The following RFC4 variants were observed in gnomAD, a reference collection of about 807,000 sequenced individuals.
RFC4 encodes A1 37 kDa subunit.
RFC4 carries 38 observed loss-of-function variants against 47.6 expected under a neutral mutation model. The ratio of observed to expected loss-of-function variants is 0.80; its 90% CI spans 0.62 to 1.05. The LOEUF is 1.05. Among genes scored for constraint, RFC4 ranks in the 50% least tolerant of loss-of-function variants. The probability of loss-of-function intolerance (pLI) is 0.00; values close to 1 mark genes in which losing one functional copy is unlikely to be tolerated. For synonymous variants in RFC4, 164 were observed against 150.0 expected, an observed-to-expected ratio of 1.09 and a Z score of -0.68; for missense variants, 489 against 434.0, an observed-to-expected ratio of 1.13 and a Z score of -1.13.
chr3:186,804,531 G>A, intron 2 of RFC4, 52 bp downstream of exon 2: 2 of 1,567,652 alleles, frequency 1.3e-6, no homozygotes, highest in Non-Finnish European at 1.8e-6. Context: ...GATCAGTACT[G>A]GTTAGAGAGA....
Position 186,796,139 on chromosome 3 carries a change from TA to T in RFC4, c.291-1363del, listed in dbSNP as rs1463839829. Among the ~76,000 whole-genome samples the T allele has an allele frequency of 6.6e-6, 1 of 152,154 alleles. No homozygotes were observed. The highest frequency in any genetic ancestry group is 1.5e-5 in the Non-Finnish European group (1 of 68,034). On this transcript the variant is annotated intron_variant, in intron 4 of 10. Coordinates refer to ENST00000296273, the MANE Select transcript of RFC4 (RefSeq NM_002916.5). The surrounding 1 kb of genome is among the most constrained non-coding windows in gnomAD (Gnocchi z 4.2). ...GGTATCCTAAGCATGTTTATGGACA[TA>T]AACATTTACATGCATCTATTTTCTA...
intron 1 of RFC4, chr3:186,805,713 G>A (rs1322829613): frequency 6.6e-6 from 1 of 152,176 alleles, no homozygotes; most frequent in Non-Finnish European, 1.5e-5. Flanking sequence ...CCACCCAGAA[G>A]GTAACTATTT....
At chr3:186,804,944 G>A in intron 1 of RFC4, 1 of 392,488 alleles carries the variant, frequency 2.5e-6, no homozygotes, top group Non-Finnish European at 4.5e-6. Context: ...ACAGAAAAGT[G>A]GTCAAAGTCC....
chr3:186,795,682 A>G (rs915444672), intron 4 of RFC4, among the ~76,000 whole-genome samples: 4 of 152,102 alleles, frequency 2.6e-5, no homozygotes, highest in Admixed American at 1.3e-4. Context: ...AGTGCCAGCT[A>G]CTCAGGAGGC....
At chr3:186,798,856 T>G (rs1425355669) in intron 3 of RFC4, among the ~76,000 whole-genome samples, 3 of 152,258 alleles carry the variant, frequency 2.0e-5, no homozygotes, top group African/African-American at 7.2e-5. Flanking sequence ...AATGCCTGTC[T>G]ACTTCATTAA....
chr3:186,795,491 T>C (rs3917123), intron 4 of RFC4, among the ~76,000 whole-genome samples: 5,369 of 152,248 alleles, frequency 0.035, 301 homozygotes, highest in African/African-American at 0.12. Flanking sequence ...TGTTATAATA[T>C]AGCACATTTT....
rs1286783898 is a variant in RFC4, at chr3:186,794,759, T to A, written c.309A>T (p.Leu103Phe). The change falls in exon 5 of 11, where the codon TTA becomes TTT. Residue 103 changes from leucine (L) to phenylalanine (F), a missense_variant. This residue lies in a region of RFC4 where 206 missense variants were observed against 257.8 expected (regional missense o/e 0.80). Transcript: ENST00000296273. The stretch of plus-strand genomic sequence containing the variant: ...CAGATGCATTTAACTCAAGAACTCT[T>A]AATCGGAAAAGTTCAGGCCTATCTC... Reference protein sequence around the residue: ...RELFGPELFRLRVLELNASDE... With the variant: ...RELFGPELFRFRVLELNASDE... 3 of 1,613,816 alleles carry A rather than the reference T, an allele frequency of 1.9e-6. No homozygotes were observed. Among genetic ancestry groups the A allele is most frequent in the Non-Finnish European group, 2.5e-6 (3 of 1,179,932 alleles).
chr3:186,790,337 C>G lies in RFC4; in HGVS notation c.871G>C (p.Ala291Pro). 1 of 1,613,776 alleles carries G rather than the reference C, an allele frequency of 6.2e-7. No homozygotes were observed. The highest frequency in any genetic ancestry group is 8.5e-7 in the Non-Finnish European group (1 of 1,179,698). Reference protein sequence around the residue: ...CQSGSFDKLEAVVKDLIDEGH... With the variant: ...CQSGSFDKLEPVVKDLIDEGH... ...TAAGCTGACTTTACCTTGACCACAGCTTCTAGTTTGTCAAAAGAGCCACTC... is the reference window on the plus strand; with the variant it reads ...TAAGCTGACTTTACCTTGACCACAGGTTCTAGTTTGTCAAAAGAGCCACTC... Residue 291 changes from alanine to proline, a missense_variant, in exon 9 of 11, where the codon GCT (alanine) becomes CCT (proline). Transcript: ENST00000296273.
At chr3:186,801,041 G>T (rs1302988155) in intron 3 of RFC4, 76 bp downstream of exon 3, 2 of 1,089,340 alleles carry the variant, frequency 1.8e-6, no homozygotes, top group African/African-American at 1.5e-5. Context: ...AGGGCTAGAA[G>T]TTATAAAGGA....
Position 186,793,773 on chromosome 3 carries a change from A to G in RFC4, c.411-826T>C, listed in dbSNP as rs1579178490. On this transcript the variant is annotated intron_variant, in intron 5 of 10. Coordinates refer to ENST00000296273, the MANE Select transcript of RFC4 (RefSeq NM_002916.5). This position sits in a 1 kb window ranked among gnomAD's most constrained non-coding sequence, Gnocchi z 4.2. ...AGTCTTGCTCTGTCGCCCAGGCTGG[A>G]GTGCAGTGGTGCGATCTTGGCTCAC... 1.3e-5 allele frequency among the ~76,000 whole-genome samples: 2 copies of G among 149,356 alleles called. No individual in the cohort carries two copies. The highest frequency in any genetic ancestry group is 2.0e-4 in the East Asian group (1 of 5,096).
At chr3:186,799,503 T>C (rs1048169699) in intron 3 of RFC4, among the ~76,000 whole-genome samples, 4 of 152,074 alleles carry the variant, frequency 2.6e-5, no homozygotes, top group African/African-American at 9.7e-5. Flanking sequence ...GCATTTTAGG[T>C]GGCCAAAGCG....
chr3:186,800,498 G>GTTT (rs1442207480), intron 3 of RFC4, among the ~76,000 whole-genome samples: 19 of 152,174 alleles, frequency 1.2e-4, no homozygotes, highest in African/African-American at 4.3e-4. Flanking sequence ...TTACTGAGCT[G>GTTT]TTAAAGCACT....
intron 2 of RFC4, 106 bp from the exon 3 acceptor site, chr3:186,801,301 T>C: frequency 1.2e-6 from 1 of 822,872 alleles, no homozygotes; most frequent in Non-Finnish European, 2.1e-6. Context: ...TTCTTAAACA[T>C]CAGCAATGAA....
intron 2 of RFC4, among the ~76,000 whole-genome samples, chr3:186,801,949 G>C (rs1722366136): frequency 6.7e-6 from 1 of 149,508 alleles, no homozygotes; most frequent in African/African-American, 2.5e-5. Flanking sequence ...CTTGAACCCT[G>C]GAGGCAGAGG....
intron 4 of RFC4, 24 bp downstream of exon 4, chr3:186,797,511 A>T: frequency 6.6e-7 from 1 of 1,518,240 alleles, no homozygotes; most frequent in Non-Finnish European, 9.0e-7. Context: ...TTAAAAAAAG[A>T]AAAACAGACT....
chr3:186,805,959 T>A (rs1299705259), intron 1 of RFC4, among the ~76,000 whole-genome samples: 1 of 152,222 alleles, frequency 6.6e-6, no homozygotes, highest in Admixed American at 6.5e-5. Flanking sequence ...GACAACTGAG[T>A]TAAATAAAAG....
At position 186,804,595 on chromosome 3, in the gene RFC4, C is replaced by G. The variant is rs762990872; in HGVS notation, c.119G>C (p.Trp40Ser). ...GENKKAKPVP[W>S]VEKYRPKCVD... ...CAAGTGTTCTTACTATTTTTCCACC[C>G]AGGGAACGGGTTTGGCTTTCTTGTT... Residue 40 changes from tryptophan (W) to serine (S), a missense_variant, in exon 2 of 11, where the codon TGG becomes TCG. By Grantham distance (177) the Trp-to-Ser change is radical (BLOSUM62 -3). Coordinates refer to ENST00000296273, the MANE Select transcript of RFC4 (RefSeq NM_002916.5). The G allele has an allele frequency of 6.2e-7, 1 of 1,613,698 alleles. No individual in the cohort carries two copies. The highest frequency in any genetic ancestry group is 1.3e-5 in the African/African-American group (1 of 74,830).
At position 186,801,170 on chromosome 3, in the gene RFC4, C is replaced by T; in HGVS notation, c.157G>A (p.Ala53Thr). 1 of 1,614,124 alleles carries T rather than the reference C, an allele frequency of 6.2e-7. No individual in the cohort carries two copies. The highest frequency in any genetic ancestry group is 8.5e-7 in the Non-Finnish European group (1 of 1,179,990). Reference protein sequence around the residue: ...KYRPKCVDEVAFQEEVVAVLK... With the variant: ...KYRPKCVDEVTFQEEVVAVLK... The stretch of plus-strand genomic sequence containing the variant: ...ACTGCAACCACTTCTTCCTGGAAAG[C>T]AACTTCATCCACACATTTTGGGCGA... Residue 53 changes from alanine to threonine, a missense_variant, in exon 3 of 11, where the codon GCT becomes ACT. By Grantham distance (58) the Ala-to-Thr change is moderately conservative. Coordinates refer to ENST00000296273, the MANE Select transcript of RFC4 (RefSeq NM_002916.5).
At chr3:186,800,274 T>C (rs910871135) in intron 3 of RFC4, among the ~76,000 whole-genome samples, 1 of 152,168 alleles carries the variant, frequency 6.6e-6, no homozygotes, top group African/African-American at 2.4e-5. Context: ...TATAAGAGTA[T>C]GCGAGTCAAA....
Sources: gnomAD v4.1 joint callset for allele counts (sites outside exome capture counted in the v4.1 genomes callset) on GRCh38, gnomAD v4.1.1 for gene constraint, gnomAD v4.1.1 regional missense constraint, Gnocchi (gnomAD v3.1) non-coding constraint, MANE v1.5 for transcripts, NCBI Gene and HGNC (gene_info 2026-07-23, HGNC 2026-07-21) for gene names.